IKZF3: variants seen among roughly 807,000 people sequenced by gnomAD.
IKZF3 encodes IKAROS family zinc finger 3, also known as zinc finger protein Aiolos.
A neutral mutation model predicts 49.0 loss-of-function variants in IKZF3; 10 were observed. The observed-to-expected ratio is 0.20, with a 90% confidence interval of 0.13 to 0.35. The LOEUF is 0.35. IKZF3 is among the 10% of genes least tolerant of loss of function. The probability of loss-of-function intolerance (pLI) is 1.00; values close to 1 mark genes in which losing one functional copy is unlikely to be tolerated. For synonymous variants in IKZF3, 209 were observed against 228.2 expected, an observed-to-expected ratio of 0.92 and a Z score of 0.76; for missense variants, 498 against 664.8, an observed-to-expected ratio of 0.75 and a Z score of 2.76.
At chr17:39,788,991 G>A (rs1282399876) in intron 5 of IKZF3, among the ~76,000 whole-genome samples, 2 of 152,152 alleles carry the variant, frequency 1.3e-5, no homozygotes, top group Admixed American at 6.5e-5. Flanking sequence ...AGGCTTGGGT[G>A]CAGTGGTGAA....
At chr17:39,805,845 G>A (rs1420781403) in intron 3 of IKZF3, among the ~76,000 whole-genome samples, 1 of 152,180 alleles carries the variant, frequency 6.6e-6, no homozygotes, top group Non-Finnish European at 1.5e-5. Flanking sequence ...AATAAAACTA[G>A]AATAGAATCT....
At chr17:39,835,574 CT>C in intron 1 of IKZF3, 1 of 434,962 alleles carries the variant, frequency 2.3e-6, no homozygotes, top group African/African-American at 2.0e-5. Context: ...TGCTGTCAGC[CT>C]TGGCCTGGCT....
chr17:39,799,307 A>C (rs1598044669), intron 3 of IKZF3, among the ~76,000 whole-genome samples: 1 of 152,182 alleles, frequency 6.6e-6, no homozygotes, highest in South Asian at 2.1e-4. Flanking sequence ...CCCACGGTAC[A>C]TGTGACCTCT....
rs180822441 is a variant in IKZF3, at chr17:39,773,500, C to G, written c.826+4151G>C. 9.9e-5 allele frequency among the ~76,000 whole-genome samples: 15 copies of G among 152,258 alleles called. No individual in the cohort carries two copies. In the East Asian group the frequency reaches 2.5e-3, roughly 25 times the overall value. ...TCATTAGTTACTTCACAGGGAGATC[C>G]GATGGTTTGTTGAAGTGTCAAAACC... On this transcript the variant is annotated intron_variant, in intron 7 of 7. Transcript: ENST00000346872.
At chr17:39,774,225 G>C (rs2060519052) in intron 7 of IKZF3, among the ~76,000 whole-genome samples, 1 of 152,170 alleles carries the variant, frequency 6.6e-6, no homozygotes, top group South Asian at 2.1e-4. Context: ...GCTGGTCTGA[G>C]TGCTGTGCAA....
chr17:39,766,141 A>G lies in IKZF3; in HGVS notation c.1179T>C (p.His393=). Residue 393 remains histidine (H), a synonymous_variant, in exon 8 of 8, where the codon CAT becomes CAC. Coordinates refer to ENST00000346872, the MANE Select transcript of IKZF3 (RefSeq NM_012481.5). The part of the protein sequence containing the change: ...GHDSTDTDSN[H]EERQNHIYQQ... ...GATAGATGTGATTCTGGCGTTCTTC[A>G]TGGTTGCTGTCAGTGTCCGTGGAGT... The G allele has an allele frequency of 1.9e-6, 3 of 1,614,038 alleles. No individual in the cohort carries two copies. The highest frequency in any genetic ancestry group is 1.1e-5 in the South Asian group (1 of 91,066).
chr17:39,818,206 G>A (rs998769626), intron 3 of IKZF3, among the ~76,000 whole-genome samples: 13 of 152,148 alleles, frequency 8.5e-5, no homozygotes, highest in African/African-American at 3.1e-4. Flanking sequence ...CTTAACTTAT[G>A]AGACCACCAC....
intron 1 of IKZF3, 47 bp downstream of exon 1, chr17:39,864,073 T>A: frequency 6.2e-7 from 1 of 1,611,998 alleles, no homozygotes; most frequent in Non-Finnish European, 8.5e-7. Flanking sequence ...TTGCACAGGT[T>A]AAGTTTCTCA....
At chr17:39,781,582 C>T (rs1364665522) in intron 6 of IKZF3, among the ~76,000 whole-genome samples, 1 of 152,216 alleles carries the variant, frequency 6.6e-6, no homozygotes, top group African/African-American at 2.4e-5. Flanking sequence ...CACGGTGCTA[C>T]CCATCTAGTT....
intron 7 of IKZF3, among the ~76,000 whole-genome samples, chr17:39,770,658 TC>T (rs2060414510): frequency 6.6e-6 from 1 of 151,862 alleles, no homozygotes; most frequent in South Asian, 2.1e-4. Context: ...TTACTTCTGG[TC>T]TTTATATTTC....
intron 6 of IKZF3, among the ~76,000 whole-genome samples, chr17:39,782,700 C>T (rs947393271): frequency 5.3e-5 from 8 of 152,002 alleles, no homozygotes; most frequent in South Asian, 2.1e-4. Flanking sequence ...ATAGGAAATC[C>T]GTTCCTGGGT....
intron 6 of IKZF3, among the ~76,000 whole-genome samples, chr17:39,785,769 TC>T (rs1414191182): frequency 6.6e-6 from 1 of 152,068 alleles, no homozygotes; most frequent in African/African-American, 2.4e-5. Flanking sequence ...ATATAGCTAA[TC>T]AAGCCAAAAA....
intron 1 of IKZF3, among the ~76,000 whole-genome samples, chr17:39,844,518 C>T (rs956331279): frequency 6.6e-6 from 1 of 152,206 alleles, no homozygotes; most frequent in African/African-American, 2.4e-5. Flanking sequence ...AATTACCCTA[C>T]ATAAAATGTC....
At chr17:39,797,637 G>A (rs2061204708) in intron 3 of IKZF3, among the ~76,000 whole-genome samples, 1 of 152,060 alleles carries the variant, frequency 6.6e-6, no homozygotes, top group Admixed American at 6.5e-5. Flanking sequence ...TGGCCAGGCT[G>A]GTCTCGAACT....
intron 1 of IKZF3, among the ~76,000 whole-genome samples, chr17:39,834,816 C>T (rs1568039506): frequency 6.6e-6 from 1 of 152,180 alleles, no homozygotes; most frequent in Non-Finnish European, 1.5e-5. Flanking sequence ...GTATCCCAGG[C>T]AGTAAACTCC....
In IKZF3 at chr17:39,758,922, C is replaced by T. The variant is rs1261878870; in HGVS notation, c.*6868G>A. The stretch of plus-strand genomic sequence containing the variant: ...CGGTACATTTTCCACTGAAAATTTA[C>T]AATCATCCAACATAATGCACACCAC... On this transcript the variant is annotated 3_prime_UTR_variant, in exon 8 of 8. Transcript: ENST00000346872. The T allele has an allele frequency of 2.0e-5, 3 of 149,948 alleles. No individual in the cohort carries two copies. Among genetic ancestry groups the T allele is most frequent in the African/African-American group, 4.9e-5 (2 of 40,444 alleles). 9.3% of individuals were successfully genotyped at this position (149,948 alleles called of 1,614,324 possible).
chr17:39,799,978 T>C (rs2061276310), intron 3 of IKZF3, among the ~76,000 whole-genome samples: 1 of 152,210 alleles, frequency 6.6e-6, no homozygotes, highest in Non-Finnish European at 1.5e-5. Context: ...AATAACACTG[T>C]CCCGCTGATT....
At chr17:39,829,634 G>T in intron 2 of IKZF3, 146 bp from the exon 3 acceptor site, 1 of 596,278 alleles carries the variant, frequency 1.7e-6, no homozygotes, top group East Asian at 2.9e-5. Flanking sequence ...CAAAAGGGAT[G>T]TATACATGAA....
intron 3 of IKZF3, among the ~76,000 whole-genome samples, chr17:39,795,336 T>A (rs1386420877): frequency 6.6e-6 from 1 of 152,220 alleles, no homozygotes; most frequent in Non-Finnish European, 1.5e-5. Context: ...CTTTGGAGTC[T>A]TACCAGTTTT....
Sources: gnomAD v4.1 joint callset for allele counts (sites outside exome capture counted in the v4.1 genomes callset) on GRCh38, gnomAD v4.1.1 for gene constraint, MANE v1.5 for transcripts, NCBI Gene and HGNC (gene_info 2026-07-23, HGNC 2026-07-21) for gene names.